Variants in RALYL observed in about 807,000 individuals in gnomAD.
RALYL encodes RALY RNA binding protein like.
In RALYL, 29 loss-of-function variants were observed where a neutral mutation model predicts 35.1. The observed-to-expected ratio is 0.83, with a 90% CI of 0.61 to 1.13. RALYL has a LOEUF of 1.13. RALYL is among the 50% of genes most tolerant of loss of function. RALYL has a pLI of 0.00. For missense variants in RALYL, 359 were observed against 360.4 expected (o/e 1.00, Z 0.03); for synonymous variants, 120 against 127.6 (o/e 0.94, Z 0.40).
intron 4 of RALYL, among the ~76,000 whole-genome samples, chr8:84,815,394 T>C (rs1172984015): frequency 6.8e-6 from 1 of 147,322 alleles, no homozygotes; most frequent in Non-Finnish European, 1.5e-5. Flanking sequence ...CTATTATAAG[T>C]ATTTATATAT....
intron 1 of RALYL, among the ~76,000 whole-genome samples, chr8:84,472,968 A>T (rs970621848): frequency 1.3e-5 from 2 of 152,170 alleles, no homozygotes; most frequent in African/African-American, 4.8e-5. Context: ...CAAAATTCTT[A>T]ACCTTGCTGA....
At chr8:84,519,108 GC>G (rs2058273781) in intron 1 of RALYL, among the ~76,000 whole-genome samples, 5 of 152,114 alleles carry the variant, frequency 3.3e-5, no homozygotes, top group Non-Finnish European at 1.5e-5. Context: ...ATATAATGAT[GC>G]TTTTGCCTTG....
rs561184300 is a variant in RALYL, at chr8:84,211,241, T to A, written c.-24+26817T>A. 3.9e-5 allele frequency among the ~76,000 whole-genome samples: 6 copies of A among 152,246 alleles called. No homozygotes were observed. In the South Asian group the frequency reaches 1.0e-3, roughly 26 times the overall value. ...CTTTCTTGCATACCTTTCTCGTACA[T>A]CATCATAACTCCTACCACAAGATTG... is the stretch of plus-strand genomic sequence containing the variant. On this transcript the variant is annotated intron_variant, in intron 1 of 8. Transcript: ENST00000521268.
At chr8:84,669,448 A>C (rs1832752048) in intron 2 of RALYL, among the ~76,000 whole-genome samples, 1 of 145,468 alleles carries the variant, frequency 6.9e-6, no homozygotes, top group African/African-American at 2.5e-5. Context: ...CATAGTCCCC[A>C]GTAGTTAGTT....
At chr8:84,257,630 C>A (rs1466954465) in intron 1 of RALYL, among the ~76,000 whole-genome samples, 1 of 151,990 alleles carries the variant, frequency 6.6e-6, no homozygotes, top group Admixed American at 6.6e-5. Flanking sequence ...TACATCATGC[C>A]TGGTTTGTGG....
intron 1 of RALYL, among the ~76,000 whole-genome samples, chr8:84,218,458 T>C (rs1320488815): frequency 1.3e-5 from 2 of 152,110 alleles, no homozygotes; most frequent in Non-Finnish European, 2.9e-5. Flanking sequence ...AAATATGGCC[T>C]GTGTTCAGAG....
chr8:84,264,556 T>G (rs952449784), intron 1 of RALYL, among the ~76,000 whole-genome samples: 32 of 151,928 alleles, frequency 2.1e-4, no homozygotes, highest in Non-Finnish European at 3.5e-4. Flanking sequence ...CTCTGTTAGT[T>G]GTCTGTTCAC....
At chr8:84,679,698 A>C (rs1215366946) in intron 2 of RALYL, 2 of 513,816 alleles carry the variant, frequency 3.9e-6, no homozygotes, top group Non-Finnish European at 7.9e-6. Flanking sequence ...CATCAGTTGG[A>C]TGGCTTTGAC....
chr8:84,566,544 A>T (rs1371885877), intron 2 of RALYL, among the ~76,000 whole-genome samples: 1 of 151,540 alleles, frequency 6.6e-6, no homozygotes, highest in African/African-American at 2.4e-5. Context: ...TGAACATTTT[A>T]TTCATTTACT....
chr8:84,641,324 G>A (rs188947624), intron 2 of RALYL, among the ~76,000 whole-genome samples: 1 of 151,550 alleles, frequency 6.6e-6, no homozygotes, highest in Admixed American at 6.6e-5. Context: ...ATTAATTTTA[G>A]TAACCTTCAA....
intron 1 of RALYL, among the ~76,000 whole-genome samples, chr8:84,422,682 A>G (rs1438955018): frequency 4.2e-5 from 6 of 143,252 alleles, no homozygotes; most frequent in South Asian, 4.7e-4. Flanking sequence ...TCTTGTGGGC[A>G]TTTAGTGCTA....
intron 1 of RALYL, among the ~76,000 whole-genome samples, chr8:84,433,061 T>A (rs955126899): frequency 1.3e-5 from 2 of 152,174 alleles, no homozygotes; most frequent in African/African-American, 4.8e-5. Context: ...CAAAAGCGAT[T>A]GTTCCTATTT....
At chr8:84,651,309 CTA>C (rs1411790094) in intron 2 of RALYL, among the ~76,000 whole-genome samples, 2 of 151,718 alleles carry the variant, frequency 1.3e-5, no homozygotes, top group Non-Finnish European at 1.5e-5. Context: ...AATGCCATAA[CTA>C]TGAATAATAC....
At chr8:84,492,785 G>T (rs971777244) in intron 1 of RALYL, among the ~76,000 whole-genome samples, 1 of 151,934 alleles carries the variant, frequency 6.6e-6, no homozygotes, top group Non-Finnish European at 1.5e-5. Flanking sequence ...GTAGTTTCTT[G>T]CATTATATTT....
chr8:84,745,331 C>T (rs1200034174), intron 2 of RALYL, among the ~76,000 whole-genome samples: 2 of 151,928 alleles, frequency 1.3e-5, no homozygotes, highest in Non-Finnish European at 2.9e-5. Context: ...TAAAATTATG[C>T]TACTGTTTTA....
chr8:84,830,006 A>C (rs564165793), intron 4 of RALYL, among the ~76,000 whole-genome samples: 43 of 80,102 alleles, frequency 5.4e-4, no homozygotes, highest in African/African-American at 1.6e-3. Context: ...ACAGCATTTC[A>C]GCACTATACT....
At chr8:84,698,205 C>T (rs1209143479) in intron 2 of RALYL, among the ~76,000 whole-genome samples, 4 of 152,046 alleles carry the variant, frequency 2.6e-5, no homozygotes, top group South Asian at 2.1e-4. Context: ...ACTCCTACCT[C>T]GCATCACTGC....
intron 1 of RALYL, among the ~76,000 whole-genome samples, chr8:84,405,369 C>T (rs1309154795): frequency 1.3e-5 from 2 of 152,058 alleles, no homozygotes; most frequent in Non-Finnish European, 2.9e-5. Context: ...CAGAGCATTA[C>T]TGAAAGATCC....
At chr8:84,718,231 C>T (rs1286565619) in intron 2 of RALYL, among the ~76,000 whole-genome samples, 1 of 151,926 alleles carries the variant, frequency 6.6e-6, no homozygotes, top group East Asian at 1.9e-4. Context: ...ATTACTTGTC[C>T]CAATTGAAAT....
Sources: allele counts gnomAD v4.1 joint callset (sites outside exome capture counted in the v4.1 genomes callset), GRCh38; gene constraint gnomAD v4.1.1; transcripts MANE v1.5; gene names NCBI Gene and HGNC (gene_info 2026-07-23, HGNC 2026-07-21).